LHFPL3: variants seen among roughly 807,000 people sequenced by gnomAD.
The protein encoded by LHFPL3 is LHFPL tetraspan subfamily member 3 protein.
Under a neutral mutation model 19.3 loss-of-function variants are expected in LHFPL3, and 5 were observed. The observed-to-expected ratio is 0.26, with a 90% confidence interval of 0.14 to 0.54. The LOEUF is 0.54. Among genes scored for constraint, LHFPL3 ranks in the 20% least tolerant of loss-of-function variants. The pLI, the probability that LHFPL3 is intolerant of heterozygous loss-of-function variation, is 0.94. For synonymous variants in LHFPL3, 133 were observed against 126.2 expected (o/e 1.05, Z -0.36); for missense variants, 249 against 307.4 (o/e 0.81, Z 1.42).
At chr7:104,572,755 C>T (rs1001220713) in intron 1 of LHFPL3, among the ~76,000 whole-genome samples, 1 of 152,122 alleles carries the variant, frequency 6.6e-6, no homozygotes, top group African/African-American at 2.4e-5. Flanking sequence ...AATTTCACTG[C>T]TGAGTAGGCA....
chr7:104,621,981 CAT>C (rs1340197631), intron 1 of LHFPL3, among the ~76,000 whole-genome samples: 2 of 152,328 alleles, frequency 1.3e-5, no homozygotes, highest in African/African-American at 4.8e-5. Context: ...AGATACAGCA[CAT>C]GTGTTTATAA....
At chr7:104,824,889 A>C (rs556827850) in intron 2 of LHFPL3, among the ~76,000 whole-genome samples, 4 of 135,810 alleles carry the variant, frequency 2.9e-5, no homozygotes, top group Admixed American at 9.0e-5. Context: ...TATATATTAT[A>C]TAATAATTGT....
At chr7:104,716,337 A>T (rs142383478) in intron 1 of LHFPL3, among the ~76,000 whole-genome samples, 1 of 151,860 alleles carries the variant, frequency 6.6e-6, no homozygotes, top group Non-Finnish European at 1.5e-5. Flanking sequence ...GCGAGACTCC[A>T]TCTCCAAAAA....
At chr7:104,444,018 A>T (rs371222800) in intron 1 of LHFPL3, among the ~76,000 whole-genome samples, 1 of 152,270 alleles carries the variant, frequency 6.6e-6, no homozygotes, top group Non-Finnish European at 1.5e-5. Context: ...ATGGATTTGC[A>T]AATTGGCACA....
chr7:104,484,700 G>A (rs557366326), intron 1 of LHFPL3, among the ~76,000 whole-genome samples: 3 of 152,284 alleles, frequency 2.0e-5, no homozygotes, highest in African/African-American at 7.2e-5. Context: ...CTGGGAAGTC[G>A]AAGATGGAAG....
At position 104,653,448 on chromosome 7, in the gene LHFPL3, T is replaced by C. The variant is rs75354951; in HGVS notation, c.446-83227T>C. On this transcript the variant is annotated intron_variant, in intron 1 of 2. Transcript: ENST00000424859. ...AGGCCCTAAGGCCCCATAGAGGCAA[T>C]GCTCAAAACCAGGGGCCAGCAAATT... 3.0e-3 allele frequency among the ~76,000 whole-genome samples: 456 copies of C among 152,306 alleles called. 5 individuals are homozygous for C. Among genetic ancestry groups the C allele is most frequent in the Admixed American group, 0.023 (347 of 15,306 alleles).
intron 2 of LHFPL3, among the ~76,000 whole-genome samples, chr7:104,789,407 A>G (rs555068234): frequency 6.6e-6 from 1 of 152,270 alleles, no homozygotes; most frequent in Admixed American, 6.5e-5. Context: ...GGTTCAGAGA[A>G]ATGTTAAGGG....
intron 1 of LHFPL3, among the ~76,000 whole-genome samples, chr7:104,592,241 C>G (rs1790739932): frequency 6.6e-6 from 1 of 152,032 alleles, no homozygotes; most frequent in Non-Finnish European, 1.5e-5. Context: ...TGGTTTCTCC[C>G]CATGTTTGTG....
chr7:104,625,751 C>T (rs925533320), intron 1 of LHFPL3, among the ~76,000 whole-genome samples: 2 of 152,160 alleles, frequency 1.3e-5, no homozygotes, highest in African/African-American at 4.8e-5. Flanking sequence ...GCCACTTAAA[C>T]TTGGAACTTC....
chr7:104,567,584 A>G (rs1179384823), intron 1 of LHFPL3, among the ~76,000 whole-genome samples: 1 of 152,230 alleles, frequency 6.6e-6, no homozygotes, highest in Non-Finnish European at 1.5e-5. Context: ...ATGTTTATCC[A>G]TTCCCTTTTT....
chr7:104,635,776 T>C (rs1192153563), intron 1 of LHFPL3, among the ~76,000 whole-genome samples: 1 of 152,024 alleles, frequency 6.6e-6, no homozygotes, highest in Non-Finnish European at 1.5e-5. Flanking sequence ...AGTATGAGAA[T>C]GAAGGGAAGT....
At chr7:104,606,641 G>A (rs1402432801) in intron 1 of LHFPL3, among the ~76,000 whole-genome samples, 1 of 151,654 alleles carries the variant, frequency 6.6e-6, no homozygotes, top group Non-Finnish European at 1.5e-5. Context: ...CCTGCCTGCT[G>A]CACAGAAAAA....
chr7:104,567,571 G>A (rs1472263828), intron 1 of LHFPL3, among the ~76,000 whole-genome samples: 1 of 152,198 alleles, frequency 6.6e-6, no homozygotes, highest in African/African-American at 2.4e-5. Flanking sequence ...CTAGTCACAA[G>A]ATATGTTTAT....
intron 1 of LHFPL3, among the ~76,000 whole-genome samples, chr7:104,379,382 G>T (rs1341420322): frequency 6.6e-6 from 1 of 152,198 alleles, no homozygotes; most frequent in Non-Finnish European, 1.5e-5. Flanking sequence ...AATTTCCCTT[G>T]TAAGATTGTA....
chr7:104,819,760 T>C (rs1790642392), intron 2 of LHFPL3, among the ~76,000 whole-genome samples: 1 of 152,208 alleles, frequency 6.6e-6, no homozygotes, highest in African/African-American at 2.4e-5. Context: ...GTGCGTACTT[T>C]AACAGGGATT....
At chr7:104,821,433 CA>C (rs1369629488) in intron 2 of LHFPL3, among the ~76,000 whole-genome samples, 15 of 152,206 alleles carry the variant, frequency 9.9e-5, no homozygotes, top group African/African-American at 3.6e-4. Flanking sequence ...GATTCACTGT[CA>C]AGTGAAGGCT....
intron 1 of LHFPL3, among the ~76,000 whole-genome samples, chr7:104,543,454 C>T (rs1020784171): frequency 1.1e-4 from 16 of 151,844 alleles, no homozygotes; most frequent in Non-Finnish European, 1.9e-4. Context: ...GCTATAAAGA[C>T]ACATGCACAC....
chr7:104,561,169 G>T (rs1205270480), intron 1 of LHFPL3, among the ~76,000 whole-genome samples: 1 of 151,984 alleles, frequency 6.6e-6, no homozygotes, highest in African/African-American at 2.4e-5. Context: ...TTGATTTGGG[G>T]TGGAGAGTTC....
chr7:104,459,930 T>C (rs1339957917), intron 1 of LHFPL3, among the ~76,000 whole-genome samples: 1 of 152,178 alleles, frequency 6.6e-6, no homozygotes, highest in Non-Finnish European at 1.5e-5. Context: ...TCACAGGGGT[T>C]TGTTGCACAG....
Sources: gnomAD v4.1 joint callset for allele counts (sites outside exome capture counted in the v4.1 genomes callset) on GRCh38, gnomAD v4.1.1 for gene constraint, MANE v1.5 for transcripts, NCBI Gene and HGNC (gene_info 2026-07-23, HGNC 2026-07-21) for gene names.